The following ADAMTSL3 variants were observed in gnomAD, a reference collection of about 807,000 sequenced individuals.
ADAMTSL3 encodes ADAMTS-like protein 3.
A neutral mutation model predicts 201.7 loss-of-function variants in ADAMTSL3; 128 were observed. That is an observed-to-expected ratio of 0.63 (90% CI 0.55 to 0.73). The LOEUF is 0.73. Ranked by LOEUF, ADAMTSL3 falls within the 30% of genes least tolerant of loss-of-function variation. The pLI is 0.00. For synonymous variants in ADAMTSL3, 738 were observed against 748.4 expected, an observed-to-expected ratio of 0.99 and a Z score of 0.23; for missense variants, 1,990 against 2,119.6, an observed-to-expected ratio of 0.94 and a Z score of 1.20.
intron 9 of ADAMTSL3, among the ~76,000 whole-genome samples, chr15:83,880,911 A>ATT (rs57378637): frequency 6.0e-5 from 9 of 150,908 alleles, no homozygotes; most frequent in East Asian, 3.9e-4. Context: ...TATAATATCT[A>ATT]TTTTTTTTCA....
intron 23 of ADAMTSL3, among the ~76,000 whole-genome samples, chr15:83,998,411 T>A (rs534153722): frequency 6.6e-6 from 1 of 152,116 alleles, no homozygotes; most frequent in East Asian, 1.9e-4. Flanking sequence ...ATAGTGCCAC[T>A]GCACTCCAGC....
rs1300135970 is a variant in ADAMTSL3 at position 83,654,902 on chromosome 15, C to T, written c.-34+626C>T. Among the ~76,000 whole-genome samples the T allele has an allele frequency of 6.6e-6, 1 of 152,166 alleles. No homozygotes were observed. The highest frequency in any genetic ancestry group is 1.5e-5 in the Non-Finnish European group (1 of 68,030). ...CATTTGCGGATCACATTAGACCAGG[C>T]CCTTAATGCCTTCTCCAGATGGAGA... On this transcript the variant is annotated intron_variant, in intron 1 of 29. Transcript: ENST00000286744. This position sits in a 1 kb window ranked among gnomAD's most constrained non-coding sequence, Gnocchi z 5.3.
chr15:83,942,741 A>G lies in ADAMTSL3; in HGVS notation c.2263A>G (p.Asn755Asp), dbSNP rs2066584891. Residue 755 changes from asparagine to aspartate, a missense_variant, in exon 18 of 30, where the codon AAT becomes GAT. Coordinates refer to ENST00000286744, the MANE Select transcript of ADAMTSL3 (RefSeq NM_207517.3). ...AAAGCCCCATGCTTTACAAGCATGC[A>G]ATCAGTTTGACTGCCCTCCTGGCTG... ...DEKPHALQAC[N>D]QFDCPPGWHI... The G allele has an allele frequency of 3.1e-6, 5 of 1,613,948 alleles. No individual in the cohort carries two copies. The highest frequency in any genetic ancestry group is 1.7e-4 in the Middle Eastern group (1 of 6,058).
intron 17 of ADAMTSL3, 150 bp downstream of exon 17, chr15:83,924,183 C>A: frequency 1.8e-6 from 2 of 1,106,574 alleles, no homozygotes; most frequent in Non-Finnish European, 1.3e-6. Flanking sequence ...AGTTATGCTC[C>A]AGCCAGATTC....
chr15:83,812,733 C>T (rs991757108), intron 5 of ADAMTSL3, among the ~76,000 whole-genome samples: 4 of 152,210 alleles, frequency 2.6e-5, no homozygotes, highest in Non-Finnish European at 5.9e-5. Context: ...GGGTTGTTGT[C>T]TATACGTGTT....
At chr15:83,905,358 A>G (rs2065812722) in intron 15 of ADAMTSL3, among the ~76,000 whole-genome samples, 1 of 152,210 alleles carries the variant, frequency 6.6e-6, no homozygotes, top group South Asian at 2.1e-4. Flanking sequence ...AGTGTCCTAC[A>G]ATGTCAGAAG....
chr15:83,812,545 G>T (rs1030429635), intron 5 of ADAMTSL3, among the ~76,000 whole-genome samples: 7 of 152,174 alleles, frequency 4.6e-5, no homozygotes, highest in Admixed American at 1.3e-4. Flanking sequence ...CCATCCAAGA[G>T]ATGTCATCAT....
At chr15:83,804,726 A>T in intron 5 of ADAMTSL3, 31 bp downstream of exon 5, 1 of 1,508,058 alleles carries the variant, frequency 6.6e-7, no homozygotes, top group Non-Finnish European at 9.0e-7. Context: ...ATTTTATCCA[A>T]TACAATATGT....
intron 2 of ADAMTSL3, among the ~76,000 whole-genome samples, chr15:83,672,181 T>C (rs1233821244): frequency 6.6e-6 from 1 of 152,118 alleles, no homozygotes; most frequent in African/African-American, 2.4e-5. Flanking sequence ...ATTCTGAGGG[T>C]TGGTATAGCT....
rs370078667 is a variant in ADAMTSL3, at chr15:83,844,397, C to A, written c.727+6182C>A. Among the ~76,000 whole-genome samples the A allele has an allele frequency of 2.0e-5, 3 of 152,300 alleles. No homozygotes were observed. The East Asian group carries it at 5.8e-4, about 29-fold the overall frequency. On this transcript the variant is annotated intron_variant, in intron 7 of 29. Transcript: ENST00000286744. ...GACTGTCACTCCCAAAAACCATTTA[C>A]AAATTTAACTTATTCCATAGCAAGG...
At chr15:84,034,766 G>A (rs1319481356) in intron 28 of ADAMTSL3, among the ~76,000 whole-genome samples, 1 of 152,198 alleles carries the variant, frequency 6.6e-6, no homozygotes, top group South Asian at 2.1e-4. Context: ...AGAATCAGCA[G>A]TTCCATCTGG....
chr15:83,759,030 G>A (rs1034438963), intron 3 of ADAMTSL3, among the ~76,000 whole-genome samples: 2 of 152,150 alleles, frequency 1.3e-5, no homozygotes, highest in Non-Finnish European at 2.9e-5. Flanking sequence ...TTGCTGTGGA[G>A]AAGGCAGACC....
intron 29 of ADAMTSL3, 62 bp downstream of exon 29, chr15:84,037,049 G>GCTA (rs750585190): frequency 6.5e-7 from 1 of 1,535,668 alleles, no homozygotes; most frequent in Non-Finnish European, 9.0e-7. Flanking sequence ...AGATCCTGAT[G>GCTA]CTACCATCAC....
intron 3 of ADAMTSL3, among the ~76,000 whole-genome samples, chr15:83,715,395 T>C (rs533508614): frequency 2.4e-4 from 37 of 152,228 alleles, no homozygotes; most frequent in Non-Finnish European, 4.9e-4. Flanking sequence ...ATTTGGATTA[T>C]GTGGAAATTA....
At chr15:83,737,673 T>G (rs1187912706) in intron 3 of ADAMTSL3, among the ~76,000 whole-genome samples, 1 of 152,052 alleles carries the variant, frequency 6.6e-6, no homozygotes, top group Non-Finnish European at 1.5e-5. Flanking sequence ...ACCAAACAAT[T>G]GAAGAAAACC....
intron 19 of ADAMTSL3, among the ~76,000 whole-genome samples, chr15:83,958,568 AC>A (rs1446678869): frequency 6.6e-6 from 1 of 152,202 alleles, no homozygotes; most frequent in Non-Finnish European, 1.5e-5. Context: ...CCCTAAAAGT[AC>A]AGAAAACAAT....
chr15:83,921,952 A>G (rs1250161566), intron 16 of ADAMTSL3, among the ~76,000 whole-genome samples: 1 of 152,150 alleles, frequency 6.6e-6, no homozygotes, highest in Non-Finnish European at 1.5e-5. Context: ...ATAACACTGC[A>G]AAAGTCATAT....
chr15:84,035,168 AG>A (rs1345364501), intron 28 of ADAMTSL3, among the ~76,000 whole-genome samples: 31 of 152,304 alleles, frequency 2.0e-4, no homozygotes, highest in African/African-American at 7.5e-4. Context: ...AAAGCTCAAT[AG>A]TCCTGTCTGA....
chr15:83,971,572 AAAAAAG>A (rs1309566433), intron 20 of ADAMTSL3, among the ~76,000 whole-genome samples: 6 of 147,750 alleles, frequency 4.1e-5, no homozygotes, highest in Non-Finnish European at 6.0e-5. Context: ...AAAAAAAAAA[AAAAAAG>A]AAAGAAAGAA....
Sources: gnomAD v4.1 joint callset for allele counts (sites outside exome capture counted in the v4.1 genomes callset) on GRCh38, gnomAD v4.1.1 for gene constraint, Gnocchi (gnomAD v3.1) non-coding constraint, MANE v1.5 for transcripts, NCBI Gene and HGNC (gene_info 2026-07-23, HGNC 2026-07-21) for gene names.